The following CSNK1G3 variants were observed in gnomAD, a reference collection of about 807,000 sequenced individuals.
The protein encoded by CSNK1G3 is casein kinase 1 gamma 3, also known as casein kinase I isoform gamma-3.
In CSNK1G3, 23 loss-of-function variants were observed where a neutral mutation model predicts 64.3. The ratio of observed to expected loss-of-function variants is 0.36; its 90% CI spans 0.26 to 0.51. The LOEUF (loss-of-function observed/expected upper bound fraction) is 0.51. Among genes scored for constraint, CSNK1G3 ranks in the 20% least tolerant of loss-of-function variants. The pLI, the probability that CSNK1G3 is intolerant of heterozygous loss-of-function variation, is 0.96. For synonymous variants in CSNK1G3, 158 were observed against 162.2 expected (o/e 0.97, Z 0.20); for missense variants, 357 against 510.5 (o/e 0.70, Z 2.90).
chr5:123,523,466 G>A (rs1395935461), intron 1 of CSNK1G3, among the ~76,000 whole-genome samples: 3 of 152,116 alleles, frequency 2.0e-5, no homozygotes, highest in Admixed American at 2.0e-4. Context: ...ATTTTAGGAT[G>A]AGTTCAATAT....
chr5:123,569,590 A>T (rs1787664120), intron 4 of CSNK1G3, among the ~76,000 whole-genome samples: 1 of 152,226 alleles, frequency 6.6e-6, no homozygotes, highest in South Asian at 2.1e-4. Context: ...CAATTTCATC[A>T]GAACAAGCTT....
chr5:123,594,188 A>C (rs1338694186), intron 10 of CSNK1G3, among the ~76,000 whole-genome samples: 1 of 152,176 alleles, frequency 6.6e-6, no homozygotes, highest in Non-Finnish European at 1.5e-5. Flanking sequence ...AAGTTTAAAT[A>C]GTATATTCTT....
At chr5:123,541,391 C>T (rs1272366562) in intron 1 of CSNK1G3, among the ~76,000 whole-genome samples, 1 of 151,994 alleles carries the variant, frequency 6.6e-6, no homozygotes, top group East Asian at 1.9e-4. Context: ...ATATCTTTTT[C>T]TTTTATTTAA....
At chr5:123,573,485 G>A in exon 5 of CSNK1G3, 1 of 1,613,800 alleles carries the variant, frequency 6.2e-7, no homozygotes, top group Non-Finnish European at 8.5e-7. Context: ...AGACTTGTTT[G>A]ACTTGTGTGA....
chr5:123,527,783 G>C (rs1335044713), intron 1 of CSNK1G3, among the ~76,000 whole-genome samples: 1 of 152,152 alleles, frequency 6.6e-6, no homozygotes, highest in Non-Finnish European at 1.5e-5. Flanking sequence ...TGACCTGATA[G>C]ATAAATTAGA....
intron 4 of CSNK1G3, among the ~76,000 whole-genome samples, chr5:123,560,659 G>C (rs1785512158): frequency 6.6e-6 from 1 of 152,168 alleles, no homozygotes; most frequent in South Asian, 2.1e-4. Flanking sequence ...GCTGCAATGA[G>C]CTTTGATCAT....
intron 10 of CSNK1G3, among the ~76,000 whole-genome samples, chr5:123,602,989 G>A (rs1270718162): frequency 6.6e-6 from 1 of 152,052 alleles, no homozygotes; most frequent in Admixed American, 6.6e-5. Context: ...GTTTAGCAAG[G>A]TAAGGTATCT....
intron 3 of CSNK1G3, among the ~76,000 whole-genome samples, chr5:123,554,401 A>C (rs1233747845): frequency 1.3e-5 from 2 of 152,176 alleles, no homozygotes; most frequent in South Asian, 2.1e-4. Context: ...GAAAGAGTGA[A>C]TTTCTAACTA....
chr5:123,546,952 G>T (rs1782628460), intron 2 of CSNK1G3, among the ~76,000 whole-genome samples: 1 of 152,054 alleles, frequency 6.6e-6, no homozygotes, highest in South Asian at 2.1e-4. Context: ...ATTTGAAAGG[G>T]TGAATGTTTT....
intron 3 of CSNK1G3, among the ~76,000 whole-genome samples, chr5:123,555,192 C>T (rs145205031): frequency 0.012 from 1,853 of 152,150 alleles, 22 homozygotes; most frequent in Non-Finnish European, 0.018. Flanking sequence ...ATACATTGTT[C>T]TTTGGGGGAA....
chr5:123,593,485 G>C (rs1033018494), intron 10 of CSNK1G3, among the ~76,000 whole-genome samples: 6 of 151,942 alleles, frequency 3.9e-5, no homozygotes, highest in African/African-American at 1.4e-4. Context: ...TCCTGAAATT[G>C]TTGGGTACAT....
chr5:123,538,086 A>C (rs1781126917), intron 1 of CSNK1G3, among the ~76,000 whole-genome samples: 1 of 152,194 alleles, frequency 6.6e-6, no homozygotes, highest in African/African-American at 2.4e-5. Flanking sequence ...GTTAATGCAC[A>C]TTTGGATTGT....
intron 1 of CSNK1G3, among the ~76,000 whole-genome samples, chr5:123,537,392 A>AC (rs1561476140): frequency 6.9e-6 from 1 of 145,836 alleles, no homozygotes; most frequent in Non-Finnish European, 1.5e-5. Context: ...ACATGGACTT[A>AC]GAGAGTGGAA....
intron 4 of CSNK1G3, among the ~76,000 whole-genome samples, chr5:123,557,935 C>A (rs1341087373): frequency 2.6e-5 from 4 of 152,144 alleles, no homozygotes; most frequent in Non-Finnish European, 1.5e-5. Context: ...AGAACCTCTA[C>A]ATGTTACTGT....
chr5:123,521,792 G>A (rs1778152325), intron 1 of CSNK1G3, among the ~76,000 whole-genome samples: 1 of 151,436 alleles, frequency 6.6e-6, no homozygotes, highest in East Asian at 1.9e-4. Flanking sequence ...GAGGAGGGAA[G>A]GATTTGTGGA....
intron 1 of CSNK1G3, among the ~76,000 whole-genome samples, chr5:123,514,485 G>T (rs1776788420): frequency 6.6e-6 from 1 of 152,164 alleles, no homozygotes; most frequent in African/African-American, 2.4e-5. Context: ...TGGAACAGTG[G>T]GTAGAATATG....
rs138426181 is a variant in CSNK1G3, at chr5:123,563,884, A to T, written c.289+6320A>T. On this transcript the variant is annotated intron_variant, in intron 4 of 12. Coordinates refer to ENST00000345990, the Ensembl canonical transcript of CSNK1G3. ...TTTGATATTAACAAAAATAATGAAA[A>T]TATGATATGAGTGGGTTAGTCAGTA... 3.7e-4 allele frequency among the ~76,000 whole-genome samples: 57 copies of T among 152,224 alleles called. No homozygotes were observed. In the East Asian group the frequency reaches 0.01, roughly 28 times the overall value.
intron 4 of CSNK1G3, among the ~76,000 whole-genome samples, chr5:123,569,423 C>G (rs1787627549): frequency 6.6e-6 from 1 of 152,150 alleles, no homozygotes; most frequent in Non-Finnish European, 1.5e-5. Flanking sequence ...AAAACTTTTT[C>G]TATTCTCATA....
exon 13 of CSNK1G3, chr5:123,615,869 T>C (rs1749363104): frequency 6.6e-6 from 1 of 152,244 alleles, no homozygotes; most frequent in African/African-American, 2.4e-5. Flanking sequence ...TATTTATTTT[T>C]ATTGTCTCAA....
Sources: gnomAD v4.1 joint callset for allele counts (sites outside exome capture counted in the v4.1 genomes callset) on GRCh38, gnomAD v4.1.1 for gene constraint, MANE v1.5 for transcripts, NCBI Gene and HGNC (gene_info 2026-07-23, HGNC 2026-07-21) for gene names.